The following ADAM32 variants were observed in gnomAD, a reference collection of about 807,000 sequenced individuals.
ADAM32 encodes the protein disintegrin and metalloproteinase domain-containing protein 32.
A neutral mutation model predicts 114.9 loss-of-function variants in ADAM32; 89 were observed. The ratio of observed to expected loss-of-function variants is 0.77; its 90% confidence interval spans 0.65 to 0.92. The LOEUF (loss-of-function observed/expected upper bound fraction) is 0.92. ADAM32 is among the 40% of genes least tolerant of loss of function. The pLI is 0.00. For missense variants in ADAM32, 870 were observed against 932.8 expected (o/e 0.93, Z 0.88); for synonymous variants, 285 against 307.5 (o/e 0.93, Z 0.77).
At chr8:39,207,672 C>G (rs923274910) in intron 11 of ADAM32, among the ~76,000 whole-genome samples, 3 of 152,300 alleles carry the variant, frequency 2.0e-5, no homozygotes, top group Middle Eastern at 3.4e-3. Context: ...GTTTAACTAA[C>G]TTTTACACAT....
intron 6 of ADAM32, among the ~76,000 whole-genome samples, chr8:39,156,855 CTAAT>C (rs1804183375): frequency 6.6e-6 from 1 of 152,146 alleles, no homozygotes. Context: ...AATTTTCAAT[CTAAT>C]TACCTCTTTA....
chr8:39,157,213 G>A (rs969899550), intron 6 of ADAM32, among the ~76,000 whole-genome samples: 1 of 152,032 alleles, frequency 6.6e-6, no homozygotes, highest in Admixed American at 6.5e-5. Flanking sequence ...CTGTTTTCAA[G>A]GTTCTCTTTT....
At chr8:39,183,722 G>A (rs1188147839) in intron 10 of ADAM32, among the ~76,000 whole-genome samples, 2 of 152,220 alleles carry the variant, frequency 1.3e-5, no homozygotes, top group African/African-American at 4.8e-5. Flanking sequence ...TCTTTAGCCA[G>A]CCATTACAGT....
chr8:39,124,578 C>T (rs540614613), intron 2 of ADAM32, among the ~76,000 whole-genome samples: 1 of 152,078 alleles, frequency 6.6e-6, no homozygotes, highest in East Asian at 1.9e-4. Context: ...CCATCATGCC[C>T]AGCTAATTTT....
At chr8:39,111,517 C>G (rs1016273342) in intron 1 of ADAM32, among the ~76,000 whole-genome samples, 4 of 152,032 alleles carry the variant, frequency 2.6e-5, no homozygotes, top group African/African-American at 7.2e-5. Flanking sequence ...GGGTGGATCA[C>G]TTGAGGCCAG....
chr8:39,167,485 C>T (rs551762105), intron 9 of ADAM32: 7 of 152,232 alleles, frequency 4.6e-5, no homozygotes, highest in Admixed American at 2.6e-4. Flanking sequence ...GTGATGGCTC[C>T]AGATTTGTTC....
At chr8:39,152,874 G>A (rs1428108248) in intron 6 of ADAM32, among the ~76,000 whole-genome samples, 1 of 152,178 alleles carries the variant, frequency 6.6e-6, no homozygotes, top group Non-Finnish European at 1.5e-5. Context: ...AATGACGTGT[G>A]AGCAAGCATA....
chr8:39,276,170 C>A, intron 22 of ADAM32: 1 of 267,862 alleles, frequency 3.7e-6, no homozygotes, highest in Non-Finnish European at 6.9e-6. Flanking sequence ...TTTTTGTATT[C>A]TTTTTCTTGG....
intron 2 of ADAM32, among the ~76,000 whole-genome samples, chr8:39,133,723 G>A (rs1323860780): frequency 6.6e-6 from 1 of 152,234 alleles, no homozygotes; most frequent in Non-Finnish European, 1.5e-5. Context: ...CAGGCTCCTG[G>A]GAGGCATGCA....
chr8:39,130,792 G>A (rs1031817762), intron 2 of ADAM32: 2 of 415,100 alleles, frequency 4.8e-6, no homozygotes, highest in Non-Finnish European at 9.5e-6. Context: ...GAGACTTTTT[G>A]TGGCCTAGAA....
At chr8:39,112,412 T>C (rs1394268038) in intron 1 of ADAM32, among the ~76,000 whole-genome samples, 2 of 152,208 alleles carry the variant, frequency 1.3e-5, no homozygotes, top group Admixed American at 6.5e-5. Context: ...TTATCAACAC[T>C]TTCTTATGGC....
At position 39,281,306 on chromosome 8, in the gene ADAM32, C is replaced by A. The variant is rs1813407741; in HGVS notation, c.2318+132C>A. On this transcript the variant is annotated intron_variant, in intron 23 of 24. Coordinates refer to ENST00000379907, the MANE Select transcript of ADAM32 (RefSeq NM_145004.7). ...TCGATAAAGTCTACACCAAACCCAA[C>A]TTATTAATATTTCCCATTCTACAAG... is the stretch of plus-strand genomic sequence containing the variant. 6 of 326,396 alleles carry A rather than the reference C, an allele frequency of 1.8e-5. No individual in the cohort carries two copies. The South Asian group carries it at 7.1e-4, about 38-fold the overall frequency. 20.2% of individuals were successfully genotyped at this position (326,396 alleles called of 1,614,324 possible).
chr8:39,198,679 T>C (rs1807178670), intron 11 of ADAM32, among the ~76,000 whole-genome samples: 1 of 152,170 alleles, frequency 6.6e-6, no homozygotes, highest in Non-Finnish European at 1.5e-5. Flanking sequence ...TGCTCAGCCT[T>C]TCTTCCTGTT....
At chr8:39,221,423 C>G (rs943717957) in intron 12 of ADAM32, 187 bp from the exon 13 acceptor site, 10 of 548,806 alleles carry the variant, frequency 1.8e-5, no homozygotes, top group African/African-American at 1.9e-5. Flanking sequence ...TAGTTACTCT[C>G]TTGTGACTGG....
chr8:39,203,449 G>T (rs559486639), intron 11 of ADAM32, among the ~76,000 whole-genome samples: 10 of 152,070 alleles, frequency 6.6e-5, no homozygotes, highest in African/African-American at 2.4e-4. Flanking sequence ...GACTAGGATC[G>T]CAACCCCTGC....
intron 2 of ADAM32, among the ~76,000 whole-genome samples, chr8:39,135,743 A>G (rs1430438367): frequency 6.6e-6 from 1 of 152,142 alleles, no homozygotes; most frequent in Non-Finnish European, 1.5e-5. Context: ...GGTACTTTGT[A>G]GAACACCCCT....
At chr8:39,236,826 G>A (rs927821322) in intron 16 of ADAM32, among the ~76,000 whole-genome samples, 1 of 152,184 alleles carries the variant, frequency 6.6e-6, no homozygotes, top group Non-Finnish European at 1.5e-5. Flanking sequence ...AACTTGTGGA[G>A]GACACAGGGA....
intron 11 of ADAM32, among the ~76,000 whole-genome samples, chr8:39,200,943 GTAT>G (rs1040807651): frequency 6.6e-6 from 1 of 152,150 alleles, no homozygotes; most frequent in African/African-American, 2.4e-5. Context: ...TAGATGTGTG[GTAT>G]TATTTCTGAA....
intron 16 of ADAM32, 117 bp downstream of exon 16, chr8:39,234,199 CA>C: frequency 2.6e-6 from 2 of 776,500 alleles, no homozygotes; most frequent in Non-Finnish European, 3.5e-6. Context: ...TGTTTGGAGG[CA>C]AAATGAATGA....
Sources: gnomAD v4.1 joint callset for allele counts (sites outside exome capture counted in the v4.1 genomes callset) on GRCh38, gnomAD v4.1.1 for gene constraint, MANE v1.5 for transcripts, NCBI Gene and HGNC (gene_info 2026-07-23, HGNC 2026-07-21) for gene names.